The following ASTN1 variants were observed in gnomAD, a reference collection of about 807,000 sequenced individuals.
ASTN1 encodes astrotactin 1.
A neutral mutation model predicts 140.7 loss-of-function variants in ASTN1; 41 were observed. The observed-to-expected ratio is 0.29, with a 90% CI of 0.23 to 0.38. The LOEUF (loss-of-function observed/expected upper bound fraction) is 0.38. ASTN1 is among the 10% of genes least tolerant of loss of function. The probability of loss-of-function intolerance (pLI) is 1.00; values close to 1 mark genes in which losing one functional copy is unlikely to be tolerated. For missense variants in ASTN1, 1,479 were observed against 1,678.8 expected (o/e 0.88, Z 2.08); for synonymous variants, 640 against 652.2 (o/e 0.98, Z 0.29).
chr1:177,076,870 G>A (rs2102067496), intron 1 of ASTN1, among the ~76,000 whole-genome samples: 1 of 152,238 alleles, frequency 6.6e-6, no homozygotes, highest in East Asian at 1.9e-4. Flanking sequence ...AAGATGAAGG[G>A]ACTTTGAGAA....
At chr1:176,981,563 G>C (rs915594005) in intron 8 of ASTN1, 1 of 152,366 alleles carries the variant, frequency 6.6e-6, no homozygotes, top group African/African-American at 2.4e-5. Context: ...GCCACAAGAA[G>C]ACGGAGGCAG....
At chr1:177,014,965 G>A in intron 7 of ASTN1, 90 bp from the exon 8 acceptor site, 13 of 1,184,060 alleles carry the variant, frequency 1.1e-5, no homozygotes, top group African/African-American at 1.5e-5. Flanking sequence ...AAATAGTCAG[G>A]GTAAACTCTT....
chr1:176,943,095 C>T (rs1671809620), intron 14 of ASTN1, among the ~76,000 whole-genome samples: 1 of 151,612 alleles, frequency 6.6e-6, no homozygotes, highest in African/African-American at 2.4e-5. Context: ...GAGAAACGTA[C>T]AAAGCAATCA....
intron 16 of ASTN1, among the ~76,000 whole-genome samples, chr1:176,923,913 AT>A (rs967368431): frequency 3.3e-5 from 5 of 151,606 alleles, no homozygotes; most frequent in Non-Finnish European, 5.9e-5. Flanking sequence ...TTATCTTGTG[AT>A]TTTTTTTTCC....
intron 5 of ASTN1, among the ~76,000 whole-genome samples, chr1:177,029,123 C>T (rs539074384): frequency 4.1e-4 from 62 of 152,100 alleles, no homozygotes; most frequent in Non-Finnish European, 6.3e-4. Context: ...CTGGGAGGCT[C>T]GGGGTCCTGT....
At chr1:177,093,218 C>T (rs1000768117) in intron 1 of ASTN1, among the ~76,000 whole-genome samples, 2 of 152,202 alleles carry the variant, frequency 1.3e-5, no homozygotes, top group Non-Finnish European at 2.9e-5. Flanking sequence ...ACATAATCTA[C>T]TTAGTTGGAC....
intron 16 of ASTN1, among the ~76,000 whole-genome samples, chr1:176,932,223 T>A (rs1474349026): frequency 2.0e-5 from 3 of 152,196 alleles, no homozygotes; most frequent in Non-Finnish European, 4.4e-5. Context: ...TAACATATAA[T>A]CAAAGGACTC....
At chr1:177,083,307 AC>A (rs1679270039) in intron 1 of ASTN1, among the ~76,000 whole-genome samples, 1 of 152,140 alleles carries the variant, frequency 6.6e-6, no homozygotes, top group Non-Finnish European at 1.5e-5. Flanking sequence ...CAAATTCAAC[AC>A]TAGTGATCTA....
At chr1:177,065,999 G>A (rs1019352711) in intron 1 of ASTN1, among the ~76,000 whole-genome samples, 5 of 152,138 alleles carry the variant, frequency 3.3e-5, no homozygotes, top group South Asian at 2.1e-4. Context: ...GAGTTTTCTC[G>A]TCTGAACAAG....
intron 1 of ASTN1, among the ~76,000 whole-genome samples, chr1:177,136,672 T>C (rs1386535513): frequency 6.6e-6 from 1 of 152,154 alleles, no homozygotes; most frequent in Admixed American, 6.5e-5. Context: ...AGTCAGACCT[T>C]TCTATCCATC....
Position 177,003,272 on chromosome 1 carries a change from C to T in ASTN1, c.1523+11519G>A, listed in dbSNP as rs371262023. On this transcript the variant is annotated intron_variant, in intron 8 of 22. Coordinates refer to ENST00000361833, the MANE Select transcript of ASTN1 (RefSeq NM_004319.3). ...TACTAGCAAACCAAATCCAACAACA[C>T]ATTAAAAAAAAAAAATCACCATAGT... is the stretch of plus-strand genomic sequence containing the variant. Among the ~76,000 whole-genome samples, 507 of 105,710 alleles carry T rather than the reference C, an allele frequency of 4.8e-3. 3 individuals are homozygous for T. The highest frequency in any genetic ancestry group is 0.012 in the African/African-American group (340 of 27,618). The allele number at this position is 105,710 out of a possible 152,430, so 69.3% of individuals were successfully genotyped here.
intron 9 of ASTN1, among the ~76,000 whole-genome samples, chr1:176,959,573 G>A (rs984959160): frequency 6.6e-6 from 1 of 152,042 alleles, no homozygotes; most frequent in African/African-American, 2.4e-5. Flanking sequence ...CAGACCCATT[G>A]ACTAGGGCTC....
intron 8 of ASTN1, among the ~76,000 whole-genome samples, chr1:176,993,903 A>G (rs1337155495): frequency 6.6e-6 from 1 of 152,110 alleles, no homozygotes; most frequent in African/African-American, 2.4e-5. Context: ...CACTTTATAC[A>G]TTGATCTATG....
At chr1:177,052,901 C>T (rs1038495703) in intron 2 of ASTN1, among the ~76,000 whole-genome samples, 1 of 152,210 alleles carries the variant, frequency 6.6e-6, no homozygotes, top group Non-Finnish European at 1.5e-5. Context: ...GTCAGATACA[C>T]TTGCCTTAAA....
chr1:176,877,807 T>A (rs1452768735), intron 20 of ASTN1, among the ~76,000 whole-genome samples: 1 of 152,074 alleles, frequency 6.6e-6, no homozygotes, highest in Non-Finnish European at 1.5e-5. Context: ...TTTGGCACAG[T>A]TACAGGGAGG....
chr1:176,978,461 A>G (rs1673463952), intron 8 of ASTN1, among the ~76,000 whole-genome samples: 1 of 152,194 alleles, frequency 6.6e-6, no homozygotes, highest in African/African-American at 2.4e-5. Flanking sequence ...TGGATTTGGA[A>G]GAGAAGGGCA....
downstream of ASTN1, among the ~76,000 whole-genome samples, chr1:176,860,083 G>T (rs1667920431): frequency 6.6e-6 from 1 of 152,170 alleles, no homozygotes; most frequent in Admixed American, 6.5e-5. Flanking sequence ...CAGTGGCCTT[G>T]AATTTCTTAG....
rs148640005 is a variant in ASTN1, at chr1:176,892,918, C to A, written c.2940+1644G>T. 1.9e-3 allele frequency among the ~76,000 whole-genome samples: 282 copies of A among 152,250 alleles called. 2 individuals are homozygous for A. Among genetic ancestry groups the A allele is most frequent in the African/African-American group, 6.5e-3 (272 of 41,538 alleles). On this transcript the variant is annotated intron_variant, in intron 17 of 22. Transcript: ENST00000361833. ...GACAGTGACTGAACTCCAGCTAGGG[C>A]CACTTGTCTTTGTGTTTAGAAATTA... is the stretch of plus-strand genomic sequence containing the variant.
At position 177,164,683 on chromosome 1, in the gene ASTN1, C is replaced by CAGAG; in HGVS notation, c.-8_-7insCTCT. The CAGAG allele has an allele frequency of 6.5e-7, 1 of 1,549,360 alleles. No homozygotes were observed. Among genetic ancestry groups the CAGAG allele is most frequent in the Non-Finnish European group, 8.7e-7 (1 of 1,149,480 alleles). On this transcript the variant is annotated 5_prime_UTR_variant, in exon 1 of 23. Coordinates refer to ENST00000361833, the MANE Select transcript of ASTN1 (RefSeq NM_004319.3). ...AGAGCCCGGCTAAAGCCATCTTGAG[C>CAGAG]CCCGGCCGCCTTCCTCCTAGCGCTG...
Sources: gnomAD v4.1 joint callset for allele counts (sites outside exome capture counted in the v4.1 genomes callset) on GRCh38, gnomAD v4.1.1 for gene constraint, MANE v1.5 for transcripts, NCBI Gene and HGNC (gene_info 2026-07-23, HGNC 2026-07-21) for gene names.